The following CDH13 variants were observed in gnomAD, a reference collection of about 807,000 sequenced individuals.
The protein encoded by CDH13 is cadherin-13.
Under a neutral mutation model 63.8 loss-of-function variants are expected in CDH13, and 24 were observed. The ratio of observed to expected loss-of-function variants is 0.38; its 90% confidence interval spans 0.27 to 0.53. CDH13 has a LOEUF of 0.53. Ranked by LOEUF, CDH13 falls within the 20% of genes least tolerant of loss-of-function variation. The pLI is 0.85. For missense variants in CDH13, 1,049 were observed against 903.1 expected, an observed-to-expected ratio of 1.16 and a Z score of -2.07; for synonymous variants, 503 against 355.3, an observed-to-expected ratio of 1.42 and a Z score of -4.67.
At chr16:83,680,742 G>C (rs1007263916) in intron 10 of CDH13, among the ~76,000 whole-genome samples, 7 of 152,130 alleles carry the variant, frequency 4.6e-5, no homozygotes, top group African/African-American at 1.7e-4. Flanking sequence ...CACAGCTTTG[G>C]CCTTCCATCA....
intron 3 of CDH13, among the ~76,000 whole-genome samples, chr16:83,120,112 A>C (rs75189806): frequency 1.3e-5 from 2 of 150,966 alleles, no homozygotes; most frequent in African/African-American, 4.9e-5. Context: ...TCTACAATCA[A>C]TACCTCCAGC....
intron 7 of CDH13, among the ~76,000 whole-genome samples, chr16:83,570,060 A>G (rs554456138): frequency 2.6e-5 from 4 of 152,222 alleles, no homozygotes; most frequent in African/African-American, 9.6e-5. Flanking sequence ...TAAACTGATC[A>G]TCATCCATTC....
chr16:83,762,996 C>A (rs986659373), intron 11 of CDH13, among the ~76,000 whole-genome samples: 4 of 152,162 alleles, frequency 2.6e-5, no homozygotes, highest in African/African-American at 9.7e-5. Context: ...ATAGTTTGAA[C>A]CTGGCAGCCC....
At chr16:83,388,868 G>C (rs1389198201) in intron 6 of CDH13, among the ~76,000 whole-genome samples, 3 of 152,160 alleles carry the variant, frequency 2.0e-5, no homozygotes, top group Admixed American at 6.6e-5. Flanking sequence ...TACTGAATCA[G>C]AATCTGCCGT....
chr16:83,434,984 A>AT (rs1567670701), intron 6 of CDH13, among the ~76,000 whole-genome samples: 18 of 144,198 alleles, frequency 1.2e-4, no homozygotes, highest in Admixed American at 2.8e-4. Flanking sequence ...TAAATAAATA[A>AT]ATATATATAT....
At chr16:83,111,580 G>A (rs567797135) in intron 3 of CDH13, among the ~76,000 whole-genome samples, 1 of 152,312 alleles carries the variant, frequency 6.6e-6, no homozygotes, top group East Asian at 1.9e-4. Context: ...AGGACAATCA[G>A]AGTCTCCACT....
chr16:83,286,530 C>T (rs1459672796), intron 5 of CDH13, among the ~76,000 whole-genome samples: 12 of 152,068 alleles, frequency 7.9e-5, no homozygotes, highest in Middle Eastern at 3.4e-3. Flanking sequence ...CCAAGGCAGA[C>T]GGATTGCCTG....
At chr16:82,919,931 C>T (rs186247385) in intron 2 of CDH13, among the ~76,000 whole-genome samples, 5 of 152,252 alleles carry the variant, frequency 3.3e-5, no homozygotes, top group South Asian at 4.1e-4. Flanking sequence ...TTATTAAACA[C>T]GTTTTGTGAA....
chr16:82,902,566 T>A (rs1396025500), intron 2 of CDH13, among the ~76,000 whole-genome samples: 1 of 152,100 alleles, frequency 6.6e-6, no homozygotes, highest in African/African-American at 2.4e-5. Flanking sequence ...TCACTTGGAA[T>A]GTGTTTAGCT....
intron 5 of CDH13, among the ~76,000 whole-genome samples, chr16:83,257,499 A>G (rs112289449): frequency 6.6e-6 from 1 of 152,160 alleles, no homozygotes; most frequent in African/African-American, 2.4e-5. Flanking sequence ...ATGATGTAGA[A>G]AGTTTACAAA....
intron 8 of CDH13, among the ~76,000 whole-genome samples, chr16:83,656,142 G>C (rs1912849526): frequency 6.6e-6 from 1 of 152,174 alleles, no homozygotes; most frequent in African/African-American, 2.4e-5. Flanking sequence ...CTGTCTGTCT[G>C]AGTTTGCCTC....
chr16:83,488,548 A>G (rs557211187), intron 7 of CDH13, among the ~76,000 whole-genome samples: 2 of 152,302 alleles, frequency 1.3e-5, no homozygotes, highest in East Asian at 1.9e-4. Context: ...AGGGAAGTAG[A>G]AAAAGTAATG....
At chr16:83,496,003 TA>T (rs2074134000) in intron 7 of CDH13, among the ~76,000 whole-genome samples, 1 of 150,520 alleles carries the variant, frequency 6.6e-6, no homozygotes, top group Admixed American at 6.6e-5. Context: ...CTCAAGGAAA[TA>T]AAAGAGGATA....
chr16:82,747,661 G>A (rs548489269), intron 1 of CDH13, among the ~76,000 whole-genome samples: 1 of 152,138 alleles, frequency 6.6e-6, no homozygotes, highest in African/African-American at 2.4e-5. Flanking sequence ...TAATGCTTAC[G>A]AGAGTTGAAT....
intron 7 of CDH13, among the ~76,000 whole-genome samples, chr16:83,531,247 C>T (rs1378244381): frequency 6.6e-6 from 1 of 152,156 alleles, no homozygotes; most frequent in African/African-American, 2.4e-5. Context: ...TGGTCTCTGC[C>T]ATCCTATAAA....
At chr16:83,477,727 G>A (rs1296897832) in intron 6 of CDH13, among the ~76,000 whole-genome samples, 3 of 152,126 alleles carry the variant, frequency 2.0e-5, no homozygotes, top group Non-Finnish European at 4.4e-5. Context: ...GCCTTTGGGG[G>A]AAAGAATGGC....
chr16:83,648,868 A>G (rs928005507), intron 8 of CDH13, among the ~76,000 whole-genome samples: 1 of 150,804 alleles, frequency 6.6e-6, no homozygotes, highest in Admixed American at 6.6e-5. Flanking sequence ...CTCTTTTCCT[A>G]ACTTTTTTGC....
Position 82,639,604 on chromosome 16 carries a change from T to C in CDH13, c.45+12467T>C, listed in dbSNP as rs76597901. On this transcript the variant is annotated intron_variant, in intron 1 of 13. Coordinates refer to ENST00000567109, the MANE Select transcript of CDH13 (RefSeq NM_001257.5). ...CCCCAAACAAAAAGAAAACAAGAAA[T>C]ATACAGTCTGTAGCTATATAGAGAC... 8.1e-3 allele frequency: 5,183 copies of C among 639,534 alleles called. 181 individuals are homozygous for C. The African/African-American group carries it at 0.083, about 10-fold the overall frequency. The allele number at this position is 639,534 out of a possible 1,614,324, so 39.6% of individuals were successfully genotyped here.
intron 1 of CDH13, among the ~76,000 whole-genome samples, chr16:82,750,561 C>G (rs984726336): frequency 6.6e-6 from 1 of 152,190 alleles, no homozygotes; most frequent in Non-Finnish European, 1.5e-5. Context: ...GTTCCAAGGA[C>G]TTTTCTGAAA....
Sources: gnomAD v4.1 joint callset for allele counts (sites outside exome capture counted in the v4.1 genomes callset) on GRCh38, gnomAD v4.1.1 for gene constraint, MANE v1.5 for transcripts, NCBI Gene and HGNC (gene_info 2026-07-23, HGNC 2026-07-21) for gene names.